The following SLC9B1 variants were observed in gnomAD, a reference collection of about 807,000 sequenced individuals.
The protein encoded by SLC9B1 is sodium/hydrogen exchanger 9B1.
SLC9B1 carries 32 observed loss-of-function variants against 51.7 expected under a neutral mutation model. The ratio of observed to expected loss-of-function variants is 0.62; its 90% CI spans 0.47 to 0.83. The LOEUF (loss-of-function observed/expected upper bound fraction) is 0.83. SLC9B1 is among the 40% of genes least tolerant of loss of function. SLC9B1 has a pLI of 0.00. For missense variants in SLC9B1, 406 were observed against 613.2 expected (o/e 0.66, Z 3.57); for synonymous variants, 145 against 212.7 (o/e 0.68, Z 2.77).
chr4:102,974,958 G>A (rs1207553211), intron 3 of SLC9B1, among the ~76,000 whole-genome samples: 1 of 152,118 alleles, frequency 6.6e-6, no homozygotes, highest in African/African-American at 2.4e-5. Context: ...GGTACCTCAG[G>A]AATAGAAGCA....
rs115529038 is a variant in SLC9B1, at chr4:102,998,474, T to A, written c.-1-6762A>T. 4.4e-3 allele frequency among the ~76,000 whole-genome samples: 673 copies of A among 152,324 alleles called. 9 individuals are homozygous for A. Among genetic ancestry groups the A allele is most frequent in the African/African-American group, 0.016 (651 of 41,584 alleles). ...TTTTGGCTATTGTGAATAATGCTGC[T>A]ATGAAAATAGGTGTACCAATATCTG... On this transcript the variant is annotated intron_variant, in intron 1 of 11. Coordinates refer to ENST00000296422, the MANE Select transcript of SLC9B1 (RefSeq NM_139173.4).
chr4:102,982,433 C>G (rs890425135), intron 3 of SLC9B1, among the ~76,000 whole-genome samples: 1 of 152,030 alleles, frequency 6.6e-6, no homozygotes, highest in Non-Finnish European at 1.5e-5. Context: ...TTGTTCATAT[C>G]CACAAAATAA....
At chr4:103,016,294 C>T (rs756795877) in intron 1 of SLC9B1, among the ~76,000 whole-genome samples, 14 of 152,052 alleles carry the variant, frequency 9.2e-5, no homozygotes, top group Non-Finnish European at 1.8e-4. Flanking sequence ...ATTTCCACCC[C>T]CCTCTATTGG....
chr4:102,971,923 C>T (rs1164598212), intron 3 of SLC9B1, among the ~76,000 whole-genome samples: 2 of 152,074 alleles, frequency 1.3e-5, no homozygotes, highest in Non-Finnish European at 2.9e-5. Flanking sequence ...AATACACCCT[C>T]CTGAGACTAA....
chr4:102,926,741 A>G (rs1199569176), intron 7 of SLC9B1, among the ~76,000 whole-genome samples: 2 of 152,226 alleles, frequency 1.3e-5, no homozygotes, highest in African/African-American at 4.8e-5. Flanking sequence ...GAATTGGAAA[A>G]AAAACTGCTT....
At chr4:102,926,487 C>T (rs567091055) in intron 7 of SLC9B1, among the ~76,000 whole-genome samples, 173 of 152,394 alleles carry the variant, frequency 1.1e-3, no homozygotes, top group African/African-American at 4.0e-3. Flanking sequence ...TGAGTGAACT[C>T]CCATTCACAA....
intron 3 of SLC9B1, among the ~76,000 whole-genome samples, chr4:102,959,653 G>T (rs1281568497): frequency 2.0e-5 from 3 of 152,152 alleles, no homozygotes; most frequent in Non-Finnish European, 2.9e-5. Context: ...TCAGGCACTT[G>T]TCTAGTGAGC....
chr4:103,014,909 C>T (rs1741243672), intron 1 of SLC9B1: 1 of 152,096 alleles, frequency 6.6e-6, no homozygotes, highest in South Asian at 2.1e-4. Context: ...CTCTCTGAGT[C>T]TCAATTTCCT....
chr4:102,930,081 A>T (rs1305901969), intron 7 of SLC9B1, among the ~76,000 whole-genome samples: 1 of 152,258 alleles, frequency 6.6e-6, no homozygotes, highest in Admixed American at 6.5e-5. Flanking sequence ...AGAAATAGGC[A>T]AAAGACTTCC....
At chr4:102,959,225 C>CAT (rs534508678) in intron 3 of SLC9B1, among the ~76,000 whole-genome samples, 36 of 132,006 alleles carry the variant, frequency 2.7e-4, no homozygotes, top group Middle Eastern at 3.6e-3. Context: ...AGGAGACATA[C>CAT]ATATATATAT....
intron 1 of SLC9B1, among the ~76,000 whole-genome samples, chr4:103,004,839 C>T (rs1740698209): frequency 6.6e-6 from 1 of 152,064 alleles, no homozygotes; most frequent in South Asian, 2.1e-4. Context: ...TTAAAAGAGG[C>T]TTCATAAGCA....
rs112853044 is a variant in SLC9B1, at chr4:102,971,270, G to C, written c.211+18530C>G. On this transcript the variant is annotated intron_variant, in intron 3 of 11. Coordinates refer to ENST00000296422, the MANE Select transcript of SLC9B1 (RefSeq NM_139173.4). ...ACTCCTCAGCAAATGTAAAAGAACA[G>C]AAATCACAACAAACTGTCTCCCAGA... Among the ~76,000 whole-genome samples, 7 of 152,204 alleles carry C rather than the reference G, an allele frequency of 4.6e-5. No individual in the cohort carries two copies. In the South Asian group the frequency reaches 1.5e-3, roughly 32 times the overall value.
chr4:102,902,109 GT>G (rs532906677), intron 11 of SLC9B1, among the ~76,000 whole-genome samples: 45 of 152,072 alleles, frequency 3.0e-4, no homozygotes, highest in Non-Finnish European at 5.3e-4. Flanking sequence ...TGGGTCACAA[GT>G]TTTTTTCCCT....
At chr4:102,889,180 G>GTA (rs1553970440) in intron 11 of SLC9B1, 1 of 152,124 alleles carries the variant, frequency 6.6e-6, no homozygotes, top group East Asian at 1.9e-4. Flanking sequence ...GTTTTACAAG[G>GTA]TGTATGTCCA....
At chr4:102,905,789 C>T in intron 10 of SLC9B1, 139 bp from the exon 11 acceptor site, 1 of 751,546 alleles carries the variant, frequency 1.3e-6, no homozygotes, top group Non-Finnish European at 2.2e-6. Context: ...TACATAAAAA[C>T]AATGATTATA....
chr4:102,901,109 T>C lies in SLC9B1; in HGVS notation c.*8A>G. 1.2e-6 allele frequency: 2 copies of C among 1,610,490 alleles called. No homozygotes were observed. Among genetic ancestry groups the C allele is most frequent in the Non-Finnish European group, 1.7e-6 (2 of 1,179,622 alleles). ...AAAGAAGCAGGCAGATGATGACAGGTAAACTTTTTAATGATGTTCTAATGT... is the reference window on the plus strand; with the variant it reads ...AAAGAAGCAGGCAGATGATGACAGGCAAACTTTTTAATGATGTTCTAATGT... On this transcript the variant is annotated 3_prime_UTR_variant, in exon 12 of 12. Transcript: ENST00000296422.
chr4:102,954,771 A>T (rs1313021923), intron 3 of SLC9B1, among the ~76,000 whole-genome samples: 1 of 152,184 alleles, frequency 6.6e-6, no homozygotes, highest in Admixed American at 6.5e-5. Context: ...AACAATGTGC[A>T]AAGAAATTGG....
At chr4:102,969,237 C>G (rs1050648827) in intron 3 of SLC9B1, among the ~76,000 whole-genome samples, 1 of 152,090 alleles carries the variant, frequency 6.6e-6, no homozygotes, top group Non-Finnish European at 1.5e-5. Flanking sequence ...CTGGTAGGGA[C>G]TGACTGACAC....
At chr4:103,003,097 T>C (rs1481843346) in intron 1 of SLC9B1, among the ~76,000 whole-genome samples, 2 of 152,220 alleles carry the variant, frequency 1.3e-5, no homozygotes, top group African/African-American at 4.8e-5. Context: ...CTTTCCATTA[T>C]TCACCAAAGA....
Sources: gnomAD v4.1 joint callset for allele counts (sites outside exome capture counted in the v4.1 genomes callset) on GRCh38, gnomAD v4.1.1 for gene constraint, MANE v1.5 for transcripts, NCBI Gene and HGNC (gene_info 2026-07-23, HGNC 2026-07-21) for gene names.